The following CDKL3 variants were observed in gnomAD, a reference collection of about 807,000 sequenced individuals.
CDKL3 encodes cyclin dependent kinase like 3.
CDKL3 carries 65 observed loss-of-function variants against 69.3 expected under a neutral mutation model. That is an observed-to-expected ratio of 0.94 (90% confidence interval 0.77 to 1.15). CDKL3 has a LOEUF of 1.15. Among genes scored for constraint, CDKL3 ranks in the 50% most tolerant of loss-of-function variants. CDKL3 has a pLI of 0.00. For missense variants in CDKL3, 652 were observed against 689.2 expected (o/e 0.95, Z 0.61); for synonymous variants, 202 against 221.6 (o/e 0.91, Z 0.79).
rs549855671 is a variant in CDKL3, at chr5:134,349,424, G to A, written c.539+825C>T. On this transcript the variant is annotated intron_variant, in intron 4 of 12. Transcript: ENST00000265334. ...CCTGTTTCAGCCTCCCGAGTAGCTG[G>A]GACTACAGGCGCATGCCACCACGCC... is the stretch of plus-strand genomic sequence containing the variant. Among the ~76,000 whole-genome samples the A allele has an allele frequency of 2.1e-4, 32 of 152,186 alleles. No individual in the cohort carries two copies. In the South Asian group the frequency reaches 5.2e-3, roughly 25 times the overall value.
At chr5:134,308,102 T>C (rs1170897685) in intron 9 of CDKL3, 36 bp downstream of exon 9, 1 of 1,560,708 alleles carries the variant, frequency 6.4e-7, no homozygotes, top group East Asian at 2.3e-5. Flanking sequence ...TACAGGAATG[T>C]TGTATTATTT....
intron 4 of CDKL3, among the ~76,000 whole-genome samples, chr5:134,330,029 T>A (rs1775389032): frequency 1.3e-5 from 2 of 150,876 alleles, no homozygotes; most frequent in South Asian, 4.2e-4. Flanking sequence ...AAATTAATAA[T>A]AATAATAATG....
chr5:134,303,961 C>A (rs569308176), intron 11 of CDKL3, among the ~76,000 whole-genome samples: 1 of 150,006 alleles, frequency 6.7e-6, no homozygotes, highest in Non-Finnish European at 1.5e-5. Context: ...GAGACAGGGT[C>A]TCATTATGTC....
chr5:134,290,850 A>T (rs1765097976), intron 8 of CDKL3, among the ~76,000 whole-genome samples: 1 of 152,082 alleles, frequency 6.6e-6, no homozygotes, highest in African/African-American at 2.4e-5. Flanking sequence ...CTTAAGTTTT[A>T]TTAAGAACAC....
chr5:134,309,393 A>T (rs559821580), intron 7 of CDKL3, among the ~76,000 whole-genome samples: 2 of 152,216 alleles, frequency 1.3e-5, no homozygotes, highest in African/African-American at 4.8e-5. Context: ...GTGGTTCTTT[A>T]AAGTAATAGA....
chr5:134,315,252 C>G (rs1272403705), intron 6 of CDKL3, among the ~76,000 whole-genome samples: 2 of 151,254 alleles, frequency 1.3e-5, no homozygotes, highest in Non-Finnish European at 2.9e-5. Flanking sequence ...AAACATATTG[C>G]AAAACTTATG....
chr5:134,369,797 C>T (rs1758154918), upstream of CDKL3, among the ~76,000 whole-genome samples: 1 of 152,018 alleles, frequency 6.6e-6, no homozygotes, highest in Non-Finnish European at 1.5e-5. Flanking sequence ...CAACTCCTGG[C>T]CTCCCAAAGT....
Position 134,343,350 on chromosome 5 carries a change from T to C in CDKL3, c.539+6899A>G, listed in dbSNP as rs187630000. On this transcript the variant is annotated intron_variant, in intron 4 of 12. Transcript: ENST00000265334. ...AGACAGTGAAGGAGATCTAACTTAATTGACTCCATCTTGCTTCTAACCTCC... is the reference window on the plus strand; with the variant it reads ...AGACAGTGAAGGAGATCTAACTTAACTGACTCCATCTTGCTTCTAACCTCC... Among the ~76,000 whole-genome samples the C allele has an allele frequency of 3.7e-3, 564 of 152,346 alleles. 4 individuals carry two copies. Among genetic ancestry groups the C allele is most frequent in the Non-Finnish European group, 5.8e-3 (393 of 68,034 alleles).
At chr5:134,314,082 T>C (rs1580893393) in intron 6 of CDKL3, among the ~76,000 whole-genome samples, 1 of 151,808 alleles carries the variant, frequency 6.6e-6, no homozygotes, top group African/African-American at 2.4e-5. Context: ...AGACAGGAGG[T>C]TGCGGTGAGC....
At chr5:134,298,021 C>T (rs1404940826), downstream of CDKL3, among the ~76,000 whole-genome samples, 2 of 151,246 alleles carry the variant, frequency 1.3e-5, no homozygotes, top group Non-Finnish European at 2.9e-5. Context: ...GCAACCTTGG[C>T]CTCCCGGATT....
intron 10 of CDKL3, among the ~76,000 whole-genome samples, chr5:134,306,178 A>G (rs1351065419): frequency 2.0e-5 from 3 of 152,168 alleles, no homozygotes; most frequent in Non-Finnish European, 2.9e-5. Context: ...AGGAAGAAAA[A>G]AAGAAACTTA....
At chr5:134,289,678 A>AGAGG (rs1458992808) in intron 8 of CDKL3, among the ~76,000 whole-genome samples, 2 of 152,210 alleles carry the variant, frequency 1.3e-5, no homozygotes, top group African/African-American at 4.8e-5. Context: ...TGTTAGGGTC[A>AGAGG]GAGGGTGACT....
intron 3 of CDKL3, among the ~76,000 whole-genome samples, chr5:134,355,632 TTC>T (rs1421426768): frequency 4.6e-5 from 7 of 152,236 alleles, no homozygotes; most frequent in East Asian, 1.9e-4. Context: ...TTGATAATCT[TTC>T]TCTGTCATTT....
intron 7 of CDKL3, among the ~76,000 whole-genome samples, chr5:134,310,158 C>G (rs1159852936): frequency 6.9e-6 from 1 of 145,956 alleles, no homozygotes; most frequent in Non-Finnish European, 1.5e-5. Flanking sequence ...ATCAATGGCA[C>G]TTCATTTTAT....
At chr5:134,294,639 T>C (rs985436976), downstream of CDKL3, among the ~76,000 whole-genome samples, 2 of 147,800 alleles carry the variant, frequency 1.4e-5, no homozygotes, top group Admixed American at 1.3e-4. Context: ...ATCCTAAGAA[T>C]AAACAAAGAA....
intron 3 of CDKL3, among the ~76,000 whole-genome samples, chr5:134,351,215 TTC>T (rs1201630392): frequency 6.6e-6 from 1 of 152,164 alleles, no homozygotes; most frequent in Non-Finnish European, 1.5e-5. Flanking sequence ...CAGCTCCTCT[TTC>T]TCTGTCTGTT....
At chr5:134,326,797 G>GTA (rs1322547504) in intron 4 of CDKL3, among the ~76,000 whole-genome samples, 64 of 137,960 alleles carry the variant, frequency 4.6e-4, no homozygotes, top group African/African-American at 1.4e-3. Context: ...AAGCGTGTGT[G>GTA]TATATATATA....
chr5:134,357,877 A>G (rs1337113561), intron 3 of CDKL3, among the ~76,000 whole-genome samples: 1 of 152,174 alleles, frequency 6.6e-6, no homozygotes. Context: ...TCATGTTAAA[A>G]TAAAATTAGA....
chr5:134,350,813 C>CT (rs766083840), intron 3 of CDKL3, among the ~76,000 whole-genome samples: 3 of 117,678 alleles, frequency 2.5e-5, no homozygotes, highest in East Asian at 2.4e-4. Flanking sequence ...GACCCTGTCT[C>CT]TAAAAAAAGA....
Sources: gnomAD v4.1 joint callset for allele counts (sites outside exome capture counted in the v4.1 genomes callset) on GRCh38, gnomAD v4.1.1 for gene constraint, MANE v1.5 for transcripts, NCBI Gene and HGNC (gene_info 2026-07-23, HGNC 2026-07-21) for gene names.